GALNT18: variants seen among roughly 807,000 people sequenced by gnomAD.
GALNT18 encodes the protein polypeptide N-acetylgalactosaminyltransferase 18, also known as GalNAc-transferase 18.
A neutral mutation model predicts 69.5 loss-of-function variants in GALNT18; 44 were observed. That is an observed-to-expected ratio of 0.63 (90% confidence interval 0.50 to 0.81). The LOEUF is 0.81. Ranked by LOEUF, GALNT18 falls within the 40% of genes least tolerant of loss-of-function variation. The pLI, the probability that GALNT18 is intolerant of heterozygous loss-of-function variation, is 0.00. For missense variants in GALNT18, 715 were observed against 810.0 expected, an observed-to-expected ratio of 0.88 and a Z score of 1.42; for synonymous variants, 364 against 318.2, an observed-to-expected ratio of 1.14 and a Z score of -1.53.
intron 9 of GALNT18, among the ~76,000 whole-genome samples, chr11:11,322,507 G>C (rs1315021944): frequency 6.6e-6 from 1 of 152,152 alleles, no homozygotes; most frequent in East Asian, 1.9e-4. Context: ...CCACATTCAA[G>C]GATAACATGA....
At chr11:11,507,137 C>T (rs1050308362) in intron 1 of GALNT18, among the ~76,000 whole-genome samples, 2 of 152,194 alleles carry the variant, frequency 1.3e-5, no homozygotes, top group Non-Finnish European at 2.9e-5. Context: ...ATCACTTGGA[C>T]ACTACTGTTA....
At chr11:11,271,821 C>T (rs971631607) in intron 10 of GALNT18, among the ~76,000 whole-genome samples, 5 of 152,320 alleles carry the variant, frequency 3.3e-5, no homozygotes, top group African/African-American at 1.2e-4. Flanking sequence ...CATGATTTTT[C>T]CCCATGCTAC....
Position 11,621,355 on chromosome 11 carries a change from G to T in GALNT18, c.235+4C>A. 1.2e-6 allele frequency: 2 copies of T among 1,612,360 alleles called. No homozygotes were observed. The highest frequency in any genetic ancestry group is 8.5e-7 in the Non-Finnish European group (1 of 1,178,828). On this transcript the variant is annotated splice_donor_region_variant and intron_variant, in intron 1 of 10. Coordinates refer to ENST00000227756, the MANE Select transcript of GALNT18 (RefSeq NM_198516.3). This position sits in a 1 kb window ranked among gnomAD's most constrained non-coding sequence, Gnocchi z 9.3. ...GGCGACCCAAGTTTCCGGGGCGCCC[G>T]TACCTTGAATGTGCTGCTTGATGAC...
chr11:11,535,492 A>G (rs1414320956), intron 1 of GALNT18, among the ~76,000 whole-genome samples: 2 of 152,198 alleles, frequency 1.3e-5, no homozygotes, highest in African/African-American at 4.8e-5. Context: ...CTTATTGTCC[A>G]TGGAGGCCAA....
rs1040760888 is a variant in GALNT18 at position 11,543,919 on chromosome 11, G to A, written c.235+77440C>T. Among the ~76,000 whole-genome samples, 1 of 152,198 alleles carries A rather than the reference G, an allele frequency of 6.6e-6. No individual in the cohort carries two copies. The highest frequency in any genetic ancestry group is 1.5e-5 in the Non-Finnish European group (1 of 68,036). On this transcript the variant is annotated intron_variant, in intron 1 of 10. Coordinates refer to ENST00000227756, the MANE Select transcript of GALNT18 (RefSeq NM_198516.3). This position sits in a 1 kb window ranked among gnomAD's most constrained non-coding sequence, Gnocchi z 5.1. ...TTCCTAAGTGACTTCCTCACTCCAGGCCCAAGCCAAGAAACATGAACAATA... is the reference window on the plus strand; with the variant it reads ...TTCCTAAGTGACTTCCTCACTCCAGACCCAAGCCAAGAAACATGAACAATA...
chr11:11,475,264 G>A (rs1856364321), intron 1 of GALNT18: 1 of 152,152 alleles, frequency 6.6e-6, no homozygotes, highest in Admixed American at 6.5e-5. Context: ...TCACATTACA[G>A]TGACTGCATC....
At chr11:11,391,115 C>A (rs1455682741) in intron 3 of GALNT18, among the ~76,000 whole-genome samples, 1 of 152,200 alleles carries the variant, frequency 6.6e-6, no homozygotes, top group Non-Finnish European at 1.5e-5. Context: ...GCCAGCCCTG[C>A]AGCAAACTGC....
At chr11:11,440,422 G>C (rs1365127401) in intron 2 of GALNT18, among the ~76,000 whole-genome samples, 1 of 152,214 alleles carries the variant, frequency 6.6e-6, no homozygotes, top group Non-Finnish European at 1.5e-5. Flanking sequence ...AGCACCTACA[G>C]CTGAGGAAGG....
At chr11:11,483,298 A>G (rs1219443608) in intron 1 of GALNT18, among the ~76,000 whole-genome samples, 2 of 152,118 alleles carry the variant, frequency 1.3e-5, no homozygotes, top group Non-Finnish European at 2.9e-5. Flanking sequence ...CCCCGGCTGT[A>G]AGAAGCCCTC....
Position 11,314,839 on chromosome 11 carries a change from AGTTG to A in GALNT18, c.1512+12243_1512+12246del, listed in dbSNP as rs34695459. On this transcript the variant is annotated intron_variant, in intron 9 of 10. Coordinates refer to ENST00000227756, the MANE Select transcript of GALNT18 (RefSeq NM_198516.3). This position sits in a 1 kb window ranked among gnomAD's most constrained non-coding sequence, Gnocchi z 5.2. ...TCTTCCCAGCCTTCGCCGTGGGAGC[AGTTG>A]CTCCTGGCTGTGACATAGTAAAACC... Among the ~76,000 whole-genome samples the A allele has an allele frequency of 0.1, 15,212 of 152,240 alleles. 867 individuals carry two copies. The highest frequency in any genetic ancestry group is 0.13 in the Non-Finnish European group (8,863 of 68,002).
chr11:11,482,120 T>G (rs1856544069), intron 1 of GALNT18, among the ~76,000 whole-genome samples: 1 of 152,194 alleles, frequency 6.6e-6, no homozygotes, highest in South Asian at 2.1e-4. Flanking sequence ...AGCAGGAGCT[T>G]AACATGCAGC....
intron 2 of GALNT18, among the ~76,000 whole-genome samples, chr11:11,441,254 C>G (rs1306598366): frequency 6.6e-6 from 1 of 152,182 alleles, no homozygotes; most frequent in Non-Finnish European, 1.5e-5. Context: ...GAGGTATTTT[C>G]CCAAAGTACT....
At chr11:11,323,394 GA>G (rs1253147120) in intron 9 of GALNT18, among the ~76,000 whole-genome samples, 2 of 152,242 alleles carry the variant, frequency 1.3e-5, no homozygotes, top group Non-Finnish European at 2.9e-5. Flanking sequence ...AAATCAGAAT[GA>G]AGGAGAGTGA....
intron 1 of GALNT18, among the ~76,000 whole-genome samples, chr11:11,607,433 C>T (rs563453160): frequency 7.2e-5 from 11 of 152,270 alleles, no homozygotes; most frequent in Non-Finnish European, 1.3e-4. Flanking sequence ...TTTCTGCTAT[C>T]ATTAGAAAGA....
At chr11:11,293,621 A>G (rs552766376) in intron 9 of GALNT18, among the ~76,000 whole-genome samples, 31 of 141,798 alleles carry the variant, frequency 2.2e-4, no homozygotes, top group Middle Eastern at 3.6e-3. Context: ...GCTCACTGCA[A>G]CCTTCCACCT....
At chr11:11,350,000 T>C (rs573494837) in intron 6 of GALNT18, among the ~76,000 whole-genome samples, 2 of 152,320 alleles carry the variant, frequency 1.3e-5, no homozygotes, top group East Asian at 3.9e-4. Context: ...GGGTTAGCCC[T>C]AACAAACAGT....
chr11:11,433,032 T>C (rs566354268), intron 2 of GALNT18, among the ~76,000 whole-genome samples: 18 of 152,348 alleles, frequency 1.2e-4, no homozygotes, highest in African/African-American at 4.3e-4. Flanking sequence ...TGAACAGTAA[T>C]GCCATGAGCA....
At chr11:11,294,158 CTCCTGGACAAA>C (rs1849356329) in intron 9 of GALNT18, among the ~76,000 whole-genome samples, 1 of 151,018 alleles carries the variant, frequency 6.6e-6, no homozygotes, top group Admixed American at 6.6e-5. Flanking sequence ...AGGAGAAAGG[CTCCTGGACAAA>C]TCCTGGGGAA....
At chr11:11,317,042 C>T (rs1849768826) in intron 9 of GALNT18, among the ~76,000 whole-genome samples, 1 of 152,208 alleles carries the variant, frequency 6.6e-6, no homozygotes, top group African/African-American at 2.4e-5. Flanking sequence ...AAGAAATTTT[C>T]CGGGCTGTTA....
Sources: gnomAD v4.1 joint callset for allele counts (sites outside exome capture counted in the v4.1 genomes callset) on GRCh38, gnomAD v4.1.1 for gene constraint, Gnocchi (gnomAD v3.1) non-coding constraint, MANE v1.5 for transcripts, NCBI Gene and HGNC (gene_info 2026-07-23, HGNC 2026-07-21) for gene names.